The following NXPH1 variants were observed in gnomAD, a reference collection of about 807,000 sequenced individuals.
NXPH1 encodes neurexophilin-1.
Under a neutral mutation model 23.7 loss-of-function variants are expected in NXPH1, and 5 were observed. The observed-to-expected ratio is 0.21, with a 90% CI of 0.11 to 0.44. The LOEUF is 0.44. Ranked by LOEUF, NXPH1 falls within the 20% of genes least tolerant of loss-of-function variation. The pLI is 0.99. For missense variants in NXPH1, 324 were observed against 321.6 expected (o/e 1.01, Z -0.06); for synonymous variants, 144 against 122.2 (o/e 1.18, Z -1.18).
chr7:8,708,873 C>T lies in NXPH1; in HGVS notation c.55-42135C>T, dbSNP rs1299158193. Among the ~76,000 whole-genome samples the T allele has an allele frequency of 2.6e-5, 4 of 151,982 alleles. No homozygotes were observed. The East Asian group carries it at 7.7e-4, about 29-fold the overall frequency. ...CCATGACGAGCAATGCCGACAATAC[C>T]CAAGAGCTTATTAAAAATTCAGAGC... On this transcript the variant is annotated intron_variant, in intron 2 of 2. Transcript: ENST00000405863.
At chr7:8,455,337 T>C (rs1816577217) in intron 2 of NXPH1, among the ~76,000 whole-genome samples, 1 of 152,200 alleles carries the variant, frequency 6.6e-6, no homozygotes, top group Non-Finnish European at 1.5e-5. Flanking sequence ...TCAGTTGTCA[T>C]GATATTCCAT....
chr7:8,507,879 T>C lies in NXPH1; in HGVS notation c.54+72112T>C, dbSNP rs12669109. ...GCAGTAAGCTAATTTAAAGGCTGAA[T>C]GAGAAAGCTCAGAAAACAGCCAGAG... is the stretch of plus-strand genomic sequence containing the variant. On this transcript the variant is annotated intron_variant, in intron 2 of 2. Transcript: ENST00000405863. Among the ~76,000 whole-genome samples, 6 of 152,214 alleles carry C rather than the reference T, an allele frequency of 3.9e-5. No individual in the cohort carries two copies. In the East Asian group the frequency reaches 9.7e-4, roughly 25 times the overall value.
intron 2 of NXPH1, among the ~76,000 whole-genome samples, chr7:8,687,781 A>G (rs183500371): frequency 1.6e-4 from 24 of 152,282 alleles, no homozygotes; most frequent in African/African-American, 5.8e-4. Flanking sequence ...GTTAGCTAGT[A>G]TCATTGTCAT....
At chr7:8,718,622 T>C (rs1461035680) in intron 2 of NXPH1, among the ~76,000 whole-genome samples, 2 of 152,222 alleles carry the variant, frequency 1.3e-5, no homozygotes, top group East Asian at 1.9e-4. Context: ...CAAGAGTTAA[T>C]AGGATATTTT....
intron 2 of NXPH1, among the ~76,000 whole-genome samples, chr7:8,519,293 C>T (rs138966654): frequency 6.6e-5 from 10 of 152,228 alleles, no homozygotes; most frequent in African/African-American, 1.9e-4. Flanking sequence ...AGGCAAATGA[C>T]ACAAACATTA....
intron 2 of NXPH1, among the ~76,000 whole-genome samples, chr7:8,699,133 C>T (rs958935825): frequency 2.8e-4 from 42 of 152,006 alleles, no homozygotes; most frequent in African/African-American, 9.7e-4. Context: ...ATTGTGGTTT[C>T]TTTTCACTCA....
intron 2 of NXPH1, among the ~76,000 whole-genome samples, chr7:8,718,651 CCTTTTCCGAAT>C (rs1351370835): frequency 6.6e-6 from 1 of 152,122 alleles, no homozygotes; most frequent in Non-Finnish European, 1.5e-5. Context: ...ATATTTCAAT[CCTTTTCCGAAT>C]CTTCCTAAAG....
intron 2 of NXPH1, among the ~76,000 whole-genome samples, chr7:8,715,404 G>A (rs1025940769): frequency 3.3e-5 from 5 of 152,012 alleles, no homozygotes; most frequent in African/African-American, 1.2e-4. Flanking sequence ...CTGGTTTTTG[G>A]TTCTTCTGAA....
chr7:8,751,425 A>G lies in NXPH1; in HGVS notation c.472A>G (p.Thr158Ala). The G allele has an allele frequency of 6.2e-7, 1 of 1,613,898 alleles. No individual in the cohort carries two copies. Among genetic ancestry groups the G allele is most frequent in the South Asian group, 1.1e-5 (1 of 91,084 alleles). ...TAGTGTTTATTTCAGGCATAATTCA[A>G]CTGGTCAAGGGAATGTATCTGTCAG... ...TFSVYFRHNS[T>A]GQGNVSVSLV... is the part of the protein sequence containing the mutation. Residue 158 changes from threonine (T) to alanine (A), a missense_variant, in exon 3 of 3, where the codon ACT (threonine) becomes GCT (alanine). Physicochemically the swap from Thr to Ala is moderately conservative, Grantham distance 58 (BLOSUM62 0). Transcript: ENST00000405863. The surrounding 1 kb of genome is among the most constrained non-coding windows in gnomAD (Gnocchi z 4.5).
chr7:8,468,796 C>T lies in NXPH1; in HGVS notation c.54+33029C>T, dbSNP rs554695982. Among the ~76,000 whole-genome samples, 67 of 152,000 alleles carry T rather than the reference C, an allele frequency of 4.4e-4. 1 individual carries two copies. Among genetic ancestry groups the T allele is most frequent in the Admixed American group, 2.8e-3 (42 of 15,260 alleles). On this transcript the variant is annotated intron_variant, in intron 2 of 2. Transcript: ENST00000405863. ...TGATAGTTCAGTTCTTAGATTTGAG[C>T]GACTATTCTAGTTGTGCTAGTGTAA... is the stretch of plus-strand genomic sequence containing the variant.
At chr7:8,632,826 T>C (rs1260633626) in intron 2 of NXPH1, among the ~76,000 whole-genome samples, 1 of 152,228 alleles carries the variant, frequency 6.6e-6, no homozygotes, top group Admixed American at 6.6e-5. Flanking sequence ...TATATCTTTC[T>C]AGAATTTTAT....
At chr7:8,616,355 T>C (rs1404948026) in intron 2 of NXPH1, among the ~76,000 whole-genome samples, 1 of 152,066 alleles carries the variant, frequency 6.6e-6, no homozygotes, top group African/African-American at 2.4e-5. Context: ...AAATAGCAAC[T>C]CTGTCTCTAT....
chr7:8,624,801 A>T (rs1275664680), intron 2 of NXPH1, among the ~76,000 whole-genome samples: 1 of 152,150 alleles, frequency 6.6e-6, no homozygotes, highest in Admixed American at 6.6e-5. Flanking sequence ...GCAATGGTTC[A>T]TTGTGGAAGC....
intron 2 of NXPH1, among the ~76,000 whole-genome samples, chr7:8,742,674 C>G (rs1191100437): frequency 6.6e-6 from 1 of 150,926 alleles, no homozygotes; most frequent in East Asian, 1.9e-4. Context: ...AAAATTTGAA[C>G]AGGTTTTATC....
At chr7:8,505,869 C>G (rs1817514002) in intron 2 of NXPH1, among the ~76,000 whole-genome samples, 1 of 152,060 alleles carries the variant, frequency 6.6e-6, no homozygotes, top group Non-Finnish European at 1.5e-5. Context: ...AAAACCACTT[C>G]CCATGCAAAT....
chr7:8,515,480 G>C (rs1817672861), intron 2 of NXPH1, among the ~76,000 whole-genome samples: 1 of 152,058 alleles, frequency 6.6e-6, no homozygotes, highest in African/African-American at 2.4e-5. Context: ...TTCATGTGTT[G>C]TTTATAAAAA....
chr7:8,483,275 A>C (rs769177825), intron 2 of NXPH1, among the ~76,000 whole-genome samples: 2 of 152,154 alleles, frequency 1.3e-5, no homozygotes, highest in Non-Finnish European at 2.9e-5. Flanking sequence ...TAAAATTATG[A>C]GGTTGAATTA....
intron 2 of NXPH1, among the ~76,000 whole-genome samples, chr7:8,741,870 T>G (rs1273232638): frequency 1.3e-5 from 2 of 152,088 alleles, no homozygotes; most frequent in African/African-American, 4.8e-5. Flanking sequence ...GCTTACTCTA[T>G]GCTAGGCACT....
intron 2 of NXPH1, among the ~76,000 whole-genome samples, chr7:8,612,187 A>T (rs1819635971): frequency 1.4e-5 from 2 of 140,672 alleles, no homozygotes; most frequent in African/African-American, 2.6e-5. Context: ...TCTTTTCTTT[A>T]CTTTACCTCT....
Sources: gnomAD v4.1 joint callset for allele counts (sites outside exome capture counted in the v4.1 genomes callset) on GRCh38, gnomAD v4.1.1 for gene constraint, Gnocchi (gnomAD v3.1) non-coding constraint, MANE v1.5 for transcripts, NCBI Gene and HGNC (gene_info 2026-07-23, HGNC 2026-07-21) for gene names.